GPC5: variants seen among roughly 807,000 people sequenced by gnomAD.
GPC5 encodes glypican-5.
GPC5 carries 47 observed loss-of-function variants against 53.9 expected under a neutral mutation model. That is an observed-to-expected ratio of 0.87 (90% CI 0.69 to 1.11). The LOEUF (loss-of-function observed/expected upper bound fraction) is 1.11, where lower values mean the gene tolerates loss of function less well. Ranked by LOEUF, GPC5 falls within the 50% of genes most tolerant of loss-of-function variation. The pLI, the probability that GPC5 is intolerant of heterozygous loss-of-function variation, is 0.00. For synonymous variants in GPC5, 286 were observed against 263.3 expected, an observed-to-expected ratio of 1.09 and a Z score of -0.84; for missense variants, 748 against 713.1, an observed-to-expected ratio of 1.05 and a Z score of -0.56.
chr13:92,675,841 C>A (rs1350286693), intron 7 of GPC5, among the ~76,000 whole-genome samples: 1 of 152,102 alleles, frequency 6.6e-6, no homozygotes, highest in African/African-American at 2.4e-5. Flanking sequence ...GCTTCTGGAA[C>A]TGTCCTATTG....
intron 5 of GPC5, among the ~76,000 whole-genome samples, chr13:91,862,556 T>C (rs1477175652): frequency 1.3e-5 from 2 of 152,186 alleles, no homozygotes; most frequent in Non-Finnish European, 2.9e-5. Flanking sequence ...GTGCCAAGGT[T>C]GAAACACACT....
intron 7 of GPC5, among the ~76,000 whole-genome samples, chr13:92,422,597 G>T (rs531335340): frequency 8.6e-5 from 13 of 151,662 alleles, no homozygotes; most frequent in South Asian, 6.2e-4. Context: ...AGCCTGTCAT[G>T]CTGTCTTAGT....
At chr13:92,313,977 G>A (rs1245313078) in intron 7 of GPC5, among the ~76,000 whole-genome samples, 2 of 151,926 alleles carry the variant, frequency 1.3e-5, no homozygotes, top group East Asian at 1.9e-4. Flanking sequence ...TCTTGAGGCC[G>A]GTTTCATCAT....
At chr13:91,539,147 A>G (rs2351873) in intron 2 of GPC5, among the ~76,000 whole-genome samples, 139,212 of 152,162 alleles carry the variant, frequency 0.91, 63,894 homozygotes, top group East Asian at 1. Context: ...AGTTTTAGGG[A>G]CCTATGCTTC....
chr13:91,886,776 C>A (rs1200483537), intron 5 of GPC5, among the ~76,000 whole-genome samples: 1 of 152,242 alleles, frequency 6.6e-6, no homozygotes, highest in Admixed American at 6.5e-5. Flanking sequence ...GTCTTACATG[C>A]AAGTCACAGT....
chr13:92,147,707 C>A lies in GPC5; in HGVS notation c.1561+2718C>A, dbSNP rs58166948. On this transcript the variant is annotated intron_variant, in intron 7 of 7. Transcript: ENST00000377067. Reference sequence around the variant, plus strand: ...GAGATGATTTTTCAGCAACTCCAGGCAAGCATTTTCTGAAAATCCACATCT... The same window carrying A: ...GAGATGATTTTTCAGCAACTCCAGGAAAGCATTTTCTGAAAATCCACATCT... 9.6e-3 allele frequency among the ~76,000 whole-genome samples: 1,465 copies of A among 152,156 alleles called. 33 individuals carry two copies. The highest frequency in any genetic ancestry group is 0.033 in the African/African-American group (1,373 of 41,526).
intron 7 of GPC5, among the ~76,000 whole-genome samples, chr13:92,254,517 T>C (rs2042713652): frequency 6.6e-6 from 1 of 152,248 alleles, no homozygotes; most frequent in African/African-American, 2.4e-5. Context: ...CAGACCTCCA[T>C]ATCTGTGAGT....
chr13:91,416,682 A>G (rs1202638969), intron 1 of GPC5, among the ~76,000 whole-genome samples: 1 of 151,672 alleles, frequency 6.6e-6, no homozygotes, highest in African/African-American at 2.4e-5. Context: ...GTTCCCACCT[A>G]TGAGTGAGAA....
chr13:92,519,887 C>T (rs1266794467), intron 7 of GPC5, among the ~76,000 whole-genome samples: 2 of 149,460 alleles, frequency 1.3e-5, no homozygotes, highest in African/African-American at 2.5e-5. Flanking sequence ...GCTAGCAAGA[C>T]TAATAAAAAA....
In GPC5 at chr13:92,522,458, G is replaced by A. The variant is rs1195111942; in HGVS notation, c.1562-343824G>A. Among the ~76,000 whole-genome samples, 4 of 152,172 alleles carry A rather than the reference G, an allele frequency of 2.6e-5. No homozygotes were observed. In the East Asian group the frequency reaches 5.8e-4, roughly 22 times the overall value. On this transcript the variant is annotated intron_variant, in intron 7 of 7. Coordinates refer to ENST00000377067, the MANE Select transcript of GPC5 (RefSeq NM_004466.6). ...CAGCCATAAAAAAGGATGAGTTCAT[G>A]TCCTGTGTAGGGGCATGGATGAAGC...
In GPC5 at chr13:92,267,330, A is replaced by G. The variant is rs9589472; in HGVS notation, c.1561+122341A>G. Reference sequence around the variant, plus strand: ...CTTTAACCTGTTCTCAATCATTACCACTTCAGAATTTTCTCATAATAATTT... The same window carrying G: ...CTTTAACCTGTTCTCAATCATTACCGCTTCAGAATTTTCTCATAATAATTT... On this transcript the variant is annotated intron_variant, in intron 7 of 7. Coordinates refer to ENST00000377067, the MANE Select transcript of GPC5 (RefSeq NM_004466.6). Among the ~76,000 whole-genome samples the G allele has an allele frequency of 1.2e-3, 183 of 152,160 alleles. 2 individuals carry two copies. Among genetic ancestry groups the G allele is most frequent in the African/African-American group, 4.1e-3 (170 of 41,532 alleles).
At chr13:91,992,431 T>C (rs1014546834) in intron 6 of GPC5, among the ~76,000 whole-genome samples, 4 of 151,504 alleles carry the variant, frequency 2.6e-5, no homozygotes. Context: ...AGAAATTTAG[T>C]CTTTAAACAT....
At chr13:92,620,776 T>A (rs535371726) in intron 7 of GPC5, among the ~76,000 whole-genome samples, 1 of 152,242 alleles carries the variant, frequency 6.6e-6, no homozygotes, top group East Asian at 1.9e-4. Context: ...AATGTTACAC[T>A]TTATTGAAGG....
At chr13:92,242,439 TTGTTC>T (rs1353168983) in intron 7 of GPC5, among the ~76,000 whole-genome samples, 2 of 152,096 alleles carry the variant, frequency 1.3e-5, no homozygotes, top group African/African-American at 4.8e-5. Context: ...TTTTCGTGTT[TTGTTC>T]TGATCCTATT....
At chr13:91,820,310 G>A (rs1296112724) in intron 5 of GPC5, among the ~76,000 whole-genome samples, 1 of 151,882 alleles carries the variant, frequency 6.6e-6, no homozygotes, top group Admixed American at 6.6e-5. Flanking sequence ...CTTTACCCTA[G>A]GAAATAAAAA....
chr13:91,757,231 T>A (rs1448615415), intron 5 of GPC5, among the ~76,000 whole-genome samples: 1 of 152,034 alleles, frequency 6.6e-6, no homozygotes, highest in Non-Finnish European at 1.5e-5. Context: ...GATAATGAGG[T>A]TTTGTGTTTG....
intron 7 of GPC5, among the ~76,000 whole-genome samples, chr13:92,690,958 T>C (rs1291315122): frequency 3.1e-5 from 2 of 64,770 alleles, no homozygotes; most frequent in Admixed American, 2.3e-4. Context: ...GGAGAACCAC[T>C]GCTCTCTTCA....
rs1876644576 is a variant in GPC5, at chr13:91,398,645, G to C, written c.-402G>C. On this transcript the variant is annotated 5_prime_UTR_variant, in exon 1 of 8. Coordinates refer to ENST00000377067, the MANE Select transcript of GPC5 (RefSeq NM_004466.6). Reference sequence around the variant, plus strand: ...CATCCCAGGTTAGCTGCTGCGAGCCGAGCCGGGCGGCGGAGGCGGCGGCGG... The same window carrying C: ...CATCCCAGGTTAGCTGCTGCGAGCCCAGCCGGGCGGCGGAGGCGGCGGCGG... 1.5e-5 allele frequency: 3 copies of C among 196,330 alleles called. No individual in the cohort carries two copies. The highest frequency in any genetic ancestry group is 1.2e-4 in the South Asian group (1 of 8,470). 12.2% of individuals were successfully genotyped at this position (196,330 alleles called of 1,614,324 possible). A position where few individuals can be genotyped will look rare whatever the true frequency, so the allele number is the denominator to read the frequency against.
chr13:92,014,825 G>T (rs1297000035), intron 6 of GPC5, among the ~76,000 whole-genome samples: 1 of 152,100 alleles, frequency 6.6e-6, no homozygotes, highest in Non-Finnish European at 1.5e-5. Context: ...AATGCACTCA[G>T]ATCTATGCAT....
Sources: allele counts gnomAD v4.1 joint callset (sites outside exome capture counted in the v4.1 genomes callset), GRCh38; gene constraint gnomAD v4.1.1; transcripts MANE v1.5; gene names NCBI Gene and HGNC (gene_info 2026-07-23, HGNC 2026-07-21).